RPH3A: variants seen among roughly 807,000 people sequenced by gnomAD.
RPH3A encodes the protein rabphilin-3A.
Under a neutral mutation model 102.2 loss-of-function variants are expected in RPH3A, and 48 were observed. That is an observed-to-expected ratio of 0.47 (90% CI 0.37 to 0.60). The LOEUF (loss-of-function observed/expected upper bound fraction) is 0.60. Among genes scored for constraint, RPH3A ranks in the 20% least tolerant of loss-of-function variants. The pLI is 0.00. For synonymous variants in RPH3A, 310 were observed against 324.3 expected, an observed-to-expected ratio of 0.96 and a Z score of 0.47; for missense variants, 781 against 910.1, an observed-to-expected ratio of 0.86 and a Z score of 1.83.
At chr12:112,826,745 T>C (rs1449030378) in intron 2 of RPH3A, among the ~76,000 whole-genome samples, 1 of 152,256 alleles carries the variant, frequency 6.6e-6, no homozygotes, top group Non-Finnish European at 1.5e-5. Context: ...GGTTCATCCA[T>C]GGTGTTACAT....
At chr12:112,722,804 A>G (rs2040559929) in intron 1 of RPH3A, among the ~76,000 whole-genome samples, 1 of 152,266 alleles carries the variant, frequency 6.6e-6, no homozygotes, top group Non-Finnish European at 1.5e-5. Flanking sequence ...AGAAGGCTAG[A>G]AACAGCCTGG....
intron 2 of RPH3A, among the ~76,000 whole-genome samples, chr12:112,826,565 GC>G (rs1471714854): frequency 2.0e-5 from 3 of 152,084 alleles, no homozygotes; most frequent in Non-Finnish European, 4.4e-5. Context: ...CCCCATGGAG[GC>G]CCCCTTCTGC....
intron 1 of RPH3A, among the ~76,000 whole-genome samples, chr12:112,718,501 G>A: frequency 6.6e-6 from 1 of 152,094 alleles, no homozygotes; most frequent in Admixed American, 6.6e-5. Flanking sequence ...AAAATTACTT[G>A]TGATGAGGAG....
intron 1 of RPH3A, among the ~76,000 whole-genome samples, chr12:112,732,983 A>G (rs1035841443): frequency 2.6e-5 from 4 of 152,168 alleles, no homozygotes; most frequent in Non-Finnish European, 4.4e-5. Context: ...ATATTGCATT[A>G]CAGTTATCAA....
chr12:112,712,045 T>A (rs1042918340), intron 1 of RPH3A, among the ~76,000 whole-genome samples: 1 of 152,148 alleles, frequency 6.6e-6, no homozygotes, highest in Non-Finnish European at 1.5e-5. Flanking sequence ...TTGGTCAGGT[T>A]GGTCTCAAAC....
chr12:112,837,838 C>T (rs890063421), intron 4 of RPH3A: 2 of 455,664 alleles, frequency 4.4e-6, no homozygotes, highest in Non-Finnish European at 8.8e-6. Flanking sequence ...TCCCCTCTGT[C>T]CTTCATCCCC....
At chr12:112,679,790 A>C (rs1456680447) in intron 1 of RPH3A, among the ~76,000 whole-genome samples, 9 of 152,232 alleles carry the variant, frequency 5.9e-5, no homozygotes, top group African/African-American at 2.2e-4. Flanking sequence ...GGCAAAACTC[A>C]TGGTCTGCTC....
intron 1 of RPH3A, among the ~76,000 whole-genome samples, chr12:112,783,912 C>T (rs780906860): frequency 3.9e-5 from 6 of 152,156 alleles, no homozygotes; most frequent in Non-Finnish European, 7.3e-5. Flanking sequence ...AGTTATATGT[C>T]CACAGCAGAG....
chr12:112,677,855 C>T (rs2040192816), intron 1 of RPH3A, among the ~76,000 whole-genome samples: 2 of 152,060 alleles, frequency 1.3e-5, no homozygotes, highest in Non-Finnish European at 2.9e-5. Flanking sequence ...AAAGTCTGTA[C>T]TTGAGTTTTT....
chr12:112,796,559 T>C (rs1294586356), intron 2 of RPH3A, among the ~76,000 whole-genome samples: 1 of 152,228 alleles, frequency 6.6e-6, no homozygotes, highest in East Asian at 1.9e-4. Context: ...CAGTAGGTGC[T>C]CAGTTAGTAT....
intron 20 of RPH3A, chr12:112,895,484 C>A: frequency 3.1e-6 from 1 of 323,944 alleles, no homozygotes; most frequent in African/African-American, 2.0e-5. Flanking sequence ...ATGTTCATGG[C>A]CATTTACCTA....
chr12:112,681,943 T>A (rs1273356209), intron 1 of RPH3A, among the ~76,000 whole-genome samples: 4 of 152,230 alleles, frequency 2.6e-5, no homozygotes, highest in African/African-American at 9.6e-5. Context: ...GACCTTGACA[T>A]CTTGCTACAC....
At chr12:112,804,567 G>A (rs1232994710) in intron 2 of RPH3A, among the ~76,000 whole-genome samples, 1 of 152,234 alleles carries the variant, frequency 6.6e-6, no homozygotes, top group African/African-American at 2.4e-5. Context: ...TGGCCCTCGT[G>A]ACAGCTGGCT....
chr12:112,740,842 A>G (rs2040703970), intron 1 of RPH3A, among the ~76,000 whole-genome samples: 1 of 152,200 alleles, frequency 6.6e-6, no homozygotes, highest in Admixed American at 6.5e-5. Context: ...CCATCTCCAT[A>G]TGGGATGTCT....
chr12:112,631,614 C>T (rs1206691321), intron 1 of RPH3A, among the ~76,000 whole-genome samples: 1 of 152,012 alleles, frequency 6.6e-6, no homozygotes, highest in African/African-American at 2.4e-5. Flanking sequence ...CCCTGACCTC[C>T]CAGGTTCAAG....
intron 1 of RPH3A, among the ~76,000 whole-genome samples, chr12:112,600,942 A>G (rs2039554106): frequency 6.6e-6 from 1 of 152,176 alleles, no homozygotes. Context: ...TCTTCACAGG[A>G]CGGCAGGAGA....
chr12:112,887,899 C>T lies in RPH3A; in HGVS notation c.1539C>T (p.Asn513=). 6.2e-7 allele frequency: 1 copy of T among 1,613,880 alleles called. No individual in the cohort carries two copies. The highest frequency in any genetic ancestry group is 1.3e-5 in the African/African-American group (1 of 75,052). ...AGCCCAACCAGAGGAAGAATTTCAA[C>T]ATCTGCCTGGAGCGAGTGATTCCTG... The part of the protein sequence containing the change: ...KLKPNQRKNF[N]ICLERVIPMK... The change falls in exon 17 of 22, where the codon AAC becomes AAT. Residue 513 remains asparagine, a synonymous_variant. Transcript: ENST00000389385.
At chr12:112,801,117 G>A (rs2041341607) in intron 2 of RPH3A, among the ~76,000 whole-genome samples, 1 of 152,174 alleles carries the variant, frequency 6.6e-6, no homozygotes, top group Admixed American at 6.5e-5. Flanking sequence ...TTCTCCAGGG[G>A]CTGCGGGAAA....
intron 2 of RPH3A, among the ~76,000 whole-genome samples, chr12:112,816,896 T>C (rs901321483): frequency 2.0e-4 from 30 of 152,184 alleles, no homozygotes; most frequent in African/African-American, 7.0e-4. Context: ...GACAACGGCA[T>C]GTTTTGTGCC....
Sources: allele counts gnomAD v4.1 joint callset (sites outside exome capture counted in the v4.1 genomes callset), GRCh38; gene constraint gnomAD v4.1.1; transcripts MANE v1.5; gene names NCBI Gene and HGNC (gene_info 2026-07-23, HGNC 2026-07-21).